The following SLC10A3 variants were observed in gnomAD, a reference collection of about 807,000 sequenced individuals.
SLC10A3 encodes P3 protein.
SLC10A3 carries 1 observed loss-of-function variant against 1.9 expected under a neutral mutation model. That is an observed-to-expected ratio of 0.52 (90% CI 0.19 to 2.48). SLC10A3 has a LOEUF of 2.48. Ranked by LOEUF, SLC10A3 falls within the 30% of genes most tolerant of loss-of-function variation. The pLI, the probability that SLC10A3 is intolerant of heterozygous loss-of-function variation, is 0.25. For synonymous variants in SLC10A3, 202 were observed against 189.3 expected (o/e 1.07, Z -0.55); for missense variants, 317 against 398.5 (o/e 0.80, Z 1.74).
Position 154,488,659 on chromosome X carries a change from G to GC in SLC10A3, c.281dup (p.Gln95ProfsTer60). 8.3e-7 allele frequency: 1 copy of GC among 1,211,560 alleles called. No individual in the cohort carries two copies. The highest frequency in any genetic ancestry group is 1.1e-6 in the Non-Finnish European group (1 of 895,174). On this transcript the variant is annotated frameshift_variant, in exon 2 of 2. Transcript: ENST00000651600. LOFTEE classifies it low-confidence loss of function (END_TRUNC). Reference sequence around the variant, plus strand: ...GGCCAGGCGCCGTCCTGTTGGCCTGGCCTGGGTACTGGCTGGAGATCACGA... The same window carrying GC: ...GGCCAGGCGCCGTCCTGTTGGCCTGGCCCTGGGTACTGGCTGGAGATCACGA...
chrX:154,489,556 A>G, intron 1 of SLC10A3: 2 of 754,416 alleles, frequency 2.7e-6, no homozygotes, highest in African/African-American at 2.3e-5. Flanking sequence ...TCCCATGCCC[A>G]CATGCGCCCC....
In SLC10A3 at chrX:154,488,275, G is replaced by T; in HGVS notation, c.666C>A (p.Ser222Arg). 1 of 1,211,108 alleles carries T rather than the reference G, an allele frequency of 8.3e-7. No individual in the cohort carries two copies. The highest frequency in any genetic ancestry group is 1.1e-6 in the Non-Finnish European group (1 of 895,149). ...GGAGGCCCAGCAGCATGGGCTGGGGGCTCTGCATGAGCCCCTTCAGAACCT... is the reference window on the plus strand; with the variant it reads ...GGAGGCCCAGCAGCATGGGCTGGGGTCTCTGCATGAGCCCCTTCAGAACCT... ...ELEVLKGLMQ[S>R]PQPMLLGLLG... Residue 222 changes from serine (S) to arginine (R), a missense_variant, in exon 2 of 2, where the codon AGC becomes AGA. Coordinates refer to ENST00000651600, the MANE Select transcript of SLC10A3 (RefSeq NM_019848.5).
chrX:154,489,891 C>T (rs2069362205), intron 1 of SLC10A3: 3 of 1,020,306 alleles, frequency 2.9e-6, no homozygotes, highest in Non-Finnish European at 3.8e-6. Flanking sequence ...CTCCCCTATC[C>T]CTAGCTTAGG....
chrX:154,487,980 A>G lies in SLC10A3; in HGVS notation c.961T>C (p.Ser321Pro). The G allele has an allele frequency of 8.3e-7, 1 of 1,211,516 alleles. No individual in the cohort carries two copies. Among genetic ancestry groups the G allele is most frequent in the African/African-American group, 1.7e-5 (1 of 57,877 alleles). The change falls in exon 2 of 2, where the codon TCC becomes CCC. Residue 321 changes from serine to proline, a missense_variant. Coordinates refer to ENST00000651600, the MANE Select transcript of SLC10A3 (RefSeq NM_019848.5). ...SIHETLHVPI[S>P]KILGTLLFIA... ...AACAGCAGGGTCCCCAGGATCTTGG[A>G]GATGGGCACGTGGAGCGTCTCATGG...
Position 154,487,315 on chromosome X carries a change from T to G in SLC10A3, c.*192A>C. 3 of 541,485 alleles carry G rather than the reference T, an allele frequency of 5.5e-6. No homozygotes were observed. Among genetic ancestry groups the G allele is most frequent in the Non-Finnish European group, 8.9e-6 (3 of 336,827 alleles). 44.6% of individuals were successfully genotyped at this position (541,485 alleles called of 1,213,427 possible). A position where few individuals can be genotyped will look rare whatever the true frequency, so the allele number is the denominator to read the frequency against. ...AAGAGTAGAAGGGACCCAAGCTTGC[T>G]TCTCTCTTTTATTGAAATATATTTT... On this transcript the variant is annotated 3_prime_UTR_variant, in exon 2 of 2. Transcript: ENST00000651600.
chrX:154,487,701 G>T lies in SLC10A3; in HGVS notation c.1240C>A (p.Arg414=). ...ATCLKLPVAQ[R]RTVSIEVGVQ... ...CCTACCTCAATGCTGACCGTCCGCC[G>T]CTGGGCCACTGGCAGCTTCAGACAC... Residue 414 remains arginine (R), a synonymous_variant, in exon 2 of 2, where the codon CGG becomes AGG. Transcript: ENST00000651600. 1 of 1,210,754 alleles carries T rather than the reference G, an allele frequency of 8.3e-7. No homozygotes were observed. The highest frequency in any genetic ancestry group is 1.1e-6 in the Non-Finnish European group (1 of 895,035).
chrX:154,488,488 G>A lies in SLC10A3; in HGVS notation c.453C>T (p.Asp151=), dbSNP rs782661120. ...GLAPLHIQLV[D]AHEAPPTLIE... ...TCAGTGTGGGCGGGGCCTCATGGGC[G>A]TCCACGAGCTGGATGTGGAGTGGGG... Residue 151 remains aspartate, a synonymous_variant, in exon 2 of 2, where the codon GAC becomes GAT. Coordinates refer to ENST00000651600, the MANE Select transcript of SLC10A3 (RefSeq NM_019848.5). 36 of 1,208,538 alleles carry A rather than the reference G, an allele frequency of 3.0e-5. 1 individual carries two copies. The highest frequency in any genetic ancestry group is 1.9e-4 in the African/African-American group (11 of 57,077).
chrX:154,488,034 A>C lies in SLC10A3; in HGVS notation c.907T>G (p.Ser303Ala). ...CTGAGCAGGCGGCTGTAGATGGCCGAAGACAGAGGCAAGAAGCCAGTGGCA... is the reference window on the plus strand; with the variant it reads ...CTGAGCAGGCGGCTGTAGATGGCCGCAGACAGAGGCAAGAAGCCAGTGGCA... ...VAATGFLPLS[S>A]AIYSRLLSIH... is the part of the protein sequence containing the mutation. Residue 303 changes from serine (S) to alanine (A), a missense_variant, in exon 2 of 2, where the codon TCG becomes GCG. Coordinates refer to ENST00000651600, the MANE Select transcript of SLC10A3 (RefSeq NM_019848.5). The C allele has an allele frequency of 8.3e-7, 1 of 1,211,260 alleles. No individual in the cohort carries two copies. The highest frequency in any genetic ancestry group is 1.1e-6 in the Non-Finnish European group (1 of 895,406).
In SLC10A3 at chrX:154,488,203, C is replaced by T. The variant is rs782346153; in HGVS notation, c.738G>A (p.Lys246=). 1.7e-6 allele frequency: 2 copies of T among 1,211,683 alleles called. No individual in the cohort carries two copies. Among genetic ancestry groups the T allele is most frequent in the Non-Finnish European group, 1.1e-6 (1 of 895,545 alleles). ...VMPLYAFLMA[K]VFMLPKALAL... ...CCAGGGCCTTGGGCAGCATGAAGACCTTGGCCATGAGGAAAGCGTACAAGG... is the reference window on the plus strand; with the variant it reads ...CCAGGGCCTTGGGCAGCATGAAGACTTTGGCCATGAGGAAAGCGTACAAGG... The change falls in exon 2 of 2, where the codon AAG becomes AAA. Residue 246 remains lysine, a synonymous_variant. Coordinates refer to ENST00000651600, the MANE Select transcript of SLC10A3 (RefSeq NM_019848.5).
At chrX:154,489,470 C>A in intron 1 of SLC10A3, 5 of 754,237 alleles carry the variant, frequency 6.6e-6, no homozygotes, top group Non-Finnish European at 7.8e-6. Flanking sequence ...GTCAGAGCTC[C>A]CACTGGGCTG....
chrX:154,488,888 C>A lies in SLC10A3; in HGVS notation c.53G>T (p.Gly18Val). 8.3e-7 allele frequency: 1 copy of A among 1,209,952 alleles called. No homozygotes were observed. Among genetic ancestry groups the A allele is most frequent in the Non-Finnish European group, 1.1e-6 (1 of 894,908 alleles). Residue 18 changes from glycine (G) to valine (V), a missense_variant, in exon 2 of 2, where the codon GGC becomes GTC. Physicochemically the swap from Gly to Val is moderately radical, Grantham distance 109. Transcript: ENST00000651600. ...TAAGGGACCTGTGCCACCACCCTCG[C>A]CCCCCAGACCAGGCCACTGCTGAGA... ...GSSQQWPGLG[G>V]EGGGTGPLSM...
chrX:154,490,272 G>C (rs782786377), intron 1 of SLC10A3, 35 bp downstream of exon 1: 20 of 833,406 alleles, frequency 2.4e-5, no homozygotes, highest in Non-Finnish European at 2.7e-5. Context: ...AAGTGTTCGG[G>C]GTAACTGGCA....
intron 1 of SLC10A3, chrX:154,489,895 G>A: frequency 9.8e-7 from 1 of 1,024,267 alleles, no homozygotes; most frequent in East Asian, 3.9e-5. Flanking sequence ...CCTATCCCTA[G>A]CTTAGGATGA....
Position 154,488,643 on chromosome X carries a change from C to T in SLC10A3, c.298G>A (p.Ala100Thr), listed in dbSNP as rs782186401. The change falls in exon 2 of 2, where the codon GCG becomes ACG. Residue 100 changes from alanine to threonine, a missense_variant. Ala to Thr is a moderately conservative substitution (Grantham distance 58). Coordinates refer to ENST00000651600, the MANE Select transcript of SLC10A3 (RefSeq NM_019848.5). ...SQYPGQANRT[A>T]PGPMLRVTSL... ...GTGACCCTGAGCATGGGGCCAGGCGCCGTCCTGTTGGCCTGGCCTGGGTAC... is the reference window on the plus strand; with the variant it reads ...GTGACCCTGAGCATGGGGCCAGGCGTCGTCCTGTTGGCCTGGCCTGGGTAC... 3 of 1,211,429 alleles carry T rather than the reference C, an allele frequency of 2.5e-6. No individual in the cohort carries two copies.
At chrX:154,489,191 GGAGCA>G in intron 1 of SLC10A3, 109 bp from the exon 2 acceptor site, 3 of 1,133,494 alleles carry the variant, frequency 2.6e-6, no homozygotes, top group Non-Finnish European at 3.5e-6. Flanking sequence ...CAAGAACCCA[GGAGCA>G]TGGGGATCTG....
chrX:154,487,625 C>T lies in SLC10A3; in HGVS notation c.1316G>A (p.Arg439His), dbSNP rs782405848. The T allele has an allele frequency of 1.3e-5, 16 of 1,208,864 alleles. No individual in the cohort carries two copies. The highest frequency in any genetic ancestry group is 3.5e-5 in the South Asian group (2 of 56,712). Residue 439 changes from arginine (R) to histidine (H), a missense_variant, in exon 2 of 2, where the codon CGC becomes CAC. Transcript: ENST00000651600. The stretch of plus-strand genomic sequence containing the variant: ...CTGGGAGGCATAGTCAGCTTGAAGG[C>T]GGCGGAGGGATAGCTGCAGCATGGC... Reference protein sequence around the residue: ...ALAMLQLSLRRLQADYASQAP... With the variant: ...ALAMLQLSLRHLQADYASQAP...
At position 154,489,272 on chromosome X, in the gene SLC10A3, A is replaced by G. The variant is rs782659054; in HGVS notation, c.-142-190T>C. 2.3e-5 allele frequency: 17 copies of G among 753,041 alleles called. No homozygotes were observed. In the South Asian group the frequency reaches 9.5e-4, roughly 42 times the overall value. 62.1% of individuals were successfully genotyped at this position (753,041 alleles called of 1,213,427 possible). ...CCCCACACTCAGGAATGGAGAGGCAATGCCTAGTGATGGCCCTTGAGTGCC... is the reference window on the plus strand; with the variant it reads ...CCCCACACTCAGGAATGGAGAGGCAGTGCCTAGTGATGGCCCTTGAGTGCC... On this transcript the variant is annotated intron_variant, in intron 1 of 1. Transcript: ENST00000651600.
chrX:154,488,071 G>A lies in SLC10A3; in HGVS notation c.870C>T (p.Leu290=), dbSNP rs1557213567. 2.7e-5 allele frequency: 33 copies of A among 1,211,570 alleles called. No individual in the cohort carries two copies. The highest frequency in any genetic ancestry group is 6.5e-5 in the Admixed American group (3 of 46,118). ...AGAAGCCAGTGGCAGCCACCGTAGA[G>A]AGGAAAGTCATGGAGATGGCCAGGG... is the stretch of plus-strand genomic sequence containing the variant. ...DVTLAISMTF[L]STVAATGFLP... is the part of the protein sequence containing the mutation. The change falls in exon 2 of 2, where the codon CTC becomes CTT. Residue 290 remains leucine (L), a synonymous_variant. Transcript: ENST00000651600.
Position 154,489,035 on chromosome X carries a change from T to C in SLC10A3, c.-95A>G. 1.7e-6 allele frequency: 2 copies of C among 1,167,373 alleles called. No individual in the cohort carries two copies. Among genetic ancestry groups the C allele is most frequent in the Non-Finnish European group, 1.1e-6 (1 of 873,037 alleles). ...GTTGGGTTGTCCTGAGAAGGGTTCA[T>C]GGGTGGGTCCCAGTCCTGTGCTGTC... On this transcript the variant is annotated 5_prime_UTR_variant, in exon 2 of 2. An upstream start codon of the reference 5' UTR is lost. Coordinates refer to ENST00000651600, the MANE Select transcript of SLC10A3 (RefSeq NM_019848.5).
Sources: allele counts gnomAD v4.1 joint callset, GRCh38; gene constraint gnomAD v4.1.1; transcripts MANE v1.5; gene names NCBI Gene and HGNC (gene_info 2026-07-23, HGNC 2026-07-21).